Variants in RBFOX1 observed in about 807,000 individuals in gnomAD.
RBFOX1 encodes RNA binding protein fox-1 homolog 1.
Under a neutral mutation model 57.7 loss-of-function variants are expected in RBFOX1, and 8 were observed. The ratio of observed to expected loss-of-function variants is 0.14; its 90% CI spans 0.08 to 0.25. The LOEUF (loss-of-function observed/expected upper bound fraction) is 0.25. RBFOX1 is among the 10% of genes least tolerant of loss of function. The pLI, the probability that RBFOX1 is intolerant of heterozygous loss-of-function variation, is 1.00. For synonymous variants in RBFOX1, 326 were observed against 222.4 expected (o/e 1.47, Z -4.15); for missense variants, 611 against 548.5 (o/e 1.11, Z -1.14).
In RBFOX1 at chr16:6,901,397, C is replaced by T. The variant is rs115042479; in HGVS notation, c.-15-150660C>T. On this transcript the variant is annotated intron_variant, in intron 3 of 15. Transcript: ENST00000550418. ...GCAAAATCAAAGTGAACAGGACGTT[C>T]CTACTACCTTTGGGGAAGACAATAA... is the stretch of plus-strand genomic sequence containing the variant. 6.9e-3 allele frequency among the ~76,000 whole-genome samples: 1,053 copies of T among 152,200 alleles called. 16 individuals carry two copies. Among genetic ancestry groups the T allele is most frequent in the African/African-American group, 0.024 (1,000 of 41,520 alleles).
intron 3 of RBFOX1, among the ~76,000 whole-genome samples, chr16:6,857,033 C>A (rs1443586923): frequency 2.6e-5 from 4 of 152,112 alleles, no homozygotes; most frequent in Admixed American, 6.5e-5. Flanking sequence ...TGGCTTACTG[C>A]AAATCGTGTT....
chr16:6,015,464 C>G (rs2094987689), upstream of RBFOX1, among the ~76,000 whole-genome samples: 1 of 152,210 alleles, frequency 6.6e-6, no homozygotes, highest in South Asian at 2.1e-4. Context: ...TCACTCTCCA[C>G]TGCCTGTGGT....
chr16:5,487,666 C>CA (rs2042674231), intron 2 of RBFOX1, among the ~76,000 whole-genome samples: 1 of 152,168 alleles, frequency 6.6e-6, no homozygotes. Context: ...AAAAGCAAGG[C>CA]ACAACTAATG....
At chr16:6,569,015 T>G (rs1185084133) in intron 2 of RBFOX1, among the ~76,000 whole-genome samples, 1 of 152,134 alleles carries the variant, frequency 6.6e-6, no homozygotes, top group African/African-American at 2.4e-5. Flanking sequence ...TTAAATGATC[T>G]GCCTACCTCA....
chr16:5,856,342 T>C (rs2057056728), intron 3 of RBFOX1, among the ~76,000 whole-genome samples: 1 of 135,944 alleles, frequency 7.4e-6, no homozygotes, highest in Non-Finnish European at 1.6e-5. Flanking sequence ...ATATTATATA[T>C]ATATATATAT....
intron 4 of RBFOX1, among the ~76,000 whole-genome samples, chr16:5,877,632 C>G (rs2057648526): frequency 6.6e-6 from 1 of 152,228 alleles, no homozygotes. Context: ...ATTGAAGCAT[C>G]AGTTACAGTA....
At chr16:7,610,384 T>TA (rs909006437) in intron 10 of RBFOX1, among the ~76,000 whole-genome samples, 37 of 151,920 alleles carry the variant, frequency 2.4e-4, no homozygotes, top group Non-Finnish European at 4.4e-4. Flanking sequence ...TTTATTTATT[T>TA]TTTTTTTTAA....
At chr16:6,574,153 T>G (rs1408823087) in intron 2 of RBFOX1, among the ~76,000 whole-genome samples, 1 of 152,154 alleles carries the variant, frequency 6.6e-6, no homozygotes, top group African/African-American at 2.4e-5. Context: ...CATTCTGGCC[T>G]TGCGATATAT....
At chr16:6,190,520 A>T (rs1453951711) in intron 1 of RBFOX1, among the ~76,000 whole-genome samples, 1 of 152,198 alleles carries the variant, frequency 6.6e-6, no homozygotes, top group Non-Finnish European at 1.5e-5. Context: ...AAAAGGACTT[A>T]CTCCATAGGA....
At chr16:7,055,095 T>A (rs1006534054) in intron 4 of RBFOX1, among the ~76,000 whole-genome samples, 5 of 152,254 alleles carry the variant, frequency 3.3e-5, no homozygotes, top group African/African-American at 2.4e-5. Flanking sequence ...TTTAAAATGA[T>A]CATATGATTA....
chr16:6,980,188 C>T (rs1329765271), intron 3 of RBFOX1, among the ~76,000 whole-genome samples: 1 of 152,162 alleles, frequency 6.6e-6, no homozygotes, highest in African/African-American at 2.4e-5. Context: ...CTATTATTTG[C>T]ATCCAAAAGC....
intron 3 of RBFOX1, among the ~76,000 whole-genome samples, chr16:6,956,685 C>G (rs2081919551): frequency 6.6e-6 from 1 of 152,164 alleles, no homozygotes; most frequent in South Asian, 2.1e-4. Flanking sequence ...TGCATCATAT[C>G]AAAGGCATTT....
rs1568441701 is a variant in RBFOX1, at chr16:7,029,236, GTATACGTATATATATACACACATATA to G, written c.-15-22810_-15-22785del. 7.2e-5 allele frequency among the ~76,000 whole-genome samples: 4 copies of G among 55,304 alleles called. 1 individual carries two copies. Among genetic ancestry groups the G allele is most frequent in the Non-Finnish European group, 1.2e-4 (4 of 34,152 alleles). 36.3% of individuals were successfully genotyped at this position (55,304 alleles called of 152,430 possible). ...TATATATATACACACATATATATACGTATACGTATATATATACACACATATATATACGTATACGTATATATATACAC... is the reference window on the plus strand; with the variant it reads ...TATATATATACACACATATATATACGTATACGTATACGTATATATATACAC... On this transcript the variant is annotated intron_variant, in intron 3 of 15. Coordinates refer to ENST00000550418, the MANE Select transcript of RBFOX1 (RefSeq NM_018723.4).
chr16:6,019,910 G>C lies in RBFOX1; in HGVS notation c.-209G>C, dbSNP rs1183644123. 1.3e-6 allele frequency: 2 copies of C among 1,534,946 alleles called. No homozygotes were observed. Among genetic ancestry groups the C allele is most frequent in the East Asian group, 4.9e-5 (2 of 40,842 alleles). On this transcript the variant is annotated 5_prime_UTR_variant, in exon 1 of 16. Transcript: ENST00000550418. The surrounding 1 kb of genome is among the most constrained non-coding windows in gnomAD (Gnocchi z 4.2). The stretch of plus-strand genomic sequence containing the variant: ...GCCGCCTCCAGCTTATGGTGAGTGT[G>C]GCTGGGGGTGCAGAGAGCGCACGGG...
intron 3 of RBFOX1, among the ~76,000 whole-genome samples, chr16:6,864,098 G>C (rs1414484491): frequency 1.3e-5 from 2 of 149,950 alleles, no homozygotes; most frequent in South Asian, 2.1e-4. Flanking sequence ...AAAAATAAAA[G>C]TGACAAAGAA....
At chr16:6,944,688 A>G (rs901519650) in intron 3 of RBFOX1, among the ~76,000 whole-genome samples, 1 of 152,148 alleles carries the variant, frequency 6.6e-6, no homozygotes, top group Non-Finnish European at 1.5e-5. Flanking sequence ...GGCTGATTTC[A>G]TGGTTCAGTA....
chr16:6,733,653 G>C (rs1361442007), intron 3 of RBFOX1, among the ~76,000 whole-genome samples: 1 of 152,136 alleles, frequency 6.6e-6, no homozygotes, highest in Non-Finnish European at 1.5e-5. Context: ...AGCTACTCAG[G>C]AGGCTGAGAT....
chr16:7,258,871 G>A (rs1054103374), intron 4 of RBFOX1, among the ~76,000 whole-genome samples: 2 of 152,104 alleles, frequency 1.3e-5, no homozygotes, highest in African/African-American at 4.8e-5. Flanking sequence ...TAGGGCTCCT[G>A]GGAAAGGAGA....
intron 3 of RBFOX1, among the ~76,000 whole-genome samples, chr16:6,854,220 G>A (rs1311766123): frequency 6.6e-6 from 1 of 152,088 alleles, no homozygotes; most frequent in East Asian, 1.9e-4. Flanking sequence ...CATCTTCACT[G>A]AGTTCCATTA....
Sources: allele counts gnomAD v4.1 joint callset (sites outside exome capture counted in the v4.1 genomes callset), GRCh38; gene constraint gnomAD v4.1.1; non-coding constraint Gnocchi (gnomAD v3.1); transcripts MANE v1.5; gene names NCBI Gene and HGNC (gene_info 2026-07-23, HGNC 2026-07-21).